The following C14orf39 variants were observed in gnomAD, a reference collection of about 807,000 sequenced individuals.
C14orf39 encodes the protein protein SIX6OS1.
A neutral mutation model predicts 85.6 loss-of-function variants in C14orf39; 66 were observed. The observed-to-expected ratio is 0.77, with a 90% CI of 0.63 to 0.95. C14orf39 has a LOEUF of 0.95. Among genes scored for constraint, C14orf39 ranks in the 40% least tolerant of loss-of-function variants. The pLI is 0.00. For missense variants in C14orf39, 735 were observed against 663.9 expected (o/e 1.11, Z -1.18); for synonymous variants, 242 against 214.0 (o/e 1.13, Z -1.14).
intron 13 of C14orf39, among the ~76,000 whole-genome samples, chr14:60,460,211 A>G (rs1164035733): frequency 6.6e-6 from 1 of 151,852 alleles, no homozygotes; most frequent in East Asian, 1.9e-4. Context: ...CTCACTATAC[A>G]TGCTCAACAG....
intron 4 of C14orf39, among the ~76,000 whole-genome samples, chr14:60,479,209 G>A (rs1892529423): frequency 6.6e-6 from 1 of 152,032 alleles, no homozygotes; most frequent in African/African-American, 2.4e-5. Flanking sequence ...ACATCATTGA[G>A]AGCTTATCCT....
intron 9 of C14orf39, 131 bp downstream of exon 9, chr14:60,468,314 A>G (rs1891895443): frequency 2.1e-6 from 1 of 467,072 alleles, no homozygotes; most frequent in Admixed American, 4.1e-5. Context: ...AGAAATTAAT[A>G]GAAAATAGCC....
chr14:60,438,030 GT>G (rs1314153113), intron 17 of C14orf39, among the ~76,000 whole-genome samples: 2 of 151,384 alleles, frequency 1.3e-5, no homozygotes, highest in Non-Finnish European at 3.0e-5. Context: ...TAAGTCTATA[GT>G]AATCAAATAT....
At chr14:60,465,099 A>G (rs991649240) in intron 11 of C14orf39, among the ~76,000 whole-genome samples, 2 of 152,022 alleles carry the variant, frequency 1.3e-5, no homozygotes, top group Non-Finnish European at 1.5e-5. Flanking sequence ...CCCTACCTCT[A>G]TCCTTAAATA....
At chr14:60,479,995 C>T (rs886226491) in intron 4 of C14orf39, among the ~76,000 whole-genome samples, 2 of 152,122 alleles carry the variant, frequency 1.3e-5, no homozygotes, top group African/African-American at 4.8e-5. Flanking sequence ...TCTGAATAGA[C>T]ATTTCTCAAA....
At chr14:60,488,861 T>C (rs1031488122), upstream of C14orf39, among the ~76,000 whole-genome samples, 3 of 152,114 alleles carry the variant, frequency 2.0e-5, no homozygotes, top group African/African-American at 7.2e-5. Context: ...TCTTCCATAC[T>C]TGGTTCCATT....
intron 16 of C14orf39, among the ~76,000 whole-genome samples, chr14:60,449,494 C>T (rs140639677): frequency 6.6e-6 from 1 of 152,184 alleles, no homozygotes; most frequent in Non-Finnish European, 1.5e-5. Flanking sequence ...TCCTTAAAAC[C>T]GTTATCATGC....
intron 2 of C14orf39, chr14:60,494,659 G>T (rs1232493641): frequency 6.6e-6 from 1 of 152,156 alleles, no homozygotes. Context: ...CTTGGTTATT[G>T]GCTGGGTAGA....
At chr14:60,473,716 T>A (rs144331379) in intron 5 of C14orf39, among the ~76,000 whole-genome samples, 2 of 152,324 alleles carry the variant, frequency 1.3e-5, no homozygotes, top group African/African-American at 4.8e-5. Context: ...TAGTTGTAGA[T>A]ATGCGGCATT....
chr14:60,511,382 C>A, intron 1 of C14orf39: 2 of 1,163,172 alleles, frequency 1.7e-6, no homozygotes, highest in Non-Finnish European at 2.5e-6. Context: ...GACCCGCGGG[C>A]TCGGGTTGCC....
rs60206941 is a variant in C14orf39, at chr14:60,482,879, G to GGTGTGTGTGTGTGTGTGT, written c.233+794_233+811dup. On this transcript the variant is annotated intron_variant, in intron 4 of 17. Coordinates refer to ENST00000321731, the MANE Select transcript of C14orf39 (RefSeq NM_174978.3). ...AAAAGGAAATACAGCTATATAGACA[G>GGTGTGTGTGTGTGTGTGT]GTGTGTGTGTGTGTGTGTGTGTGTG... 5.2e-3 allele frequency among the ~76,000 whole-genome samples: 761 copies of GGTGTGTGTGTGTGTGTGT among 146,724 alleles called. 5 individuals carry two copies. Among genetic ancestry groups the GGTGTGTGTGTGTGTGTGT allele is most frequent in the Non-Finnish European group, 9.2e-3 (613 of 66,516 alleles).
At chr14:60,447,885 C>T (rs1331593221) in intron 16 of C14orf39, among the ~76,000 whole-genome samples, 5 of 152,060 alleles carry the variant, frequency 3.3e-5, no homozygotes, top group Non-Finnish European at 5.9e-5. Flanking sequence ...TCAGAAATAA[C>T]ACCACACATG....
intron 1 of C14orf39, among the ~76,000 whole-genome samples, chr14:60,514,868 CG>C (rs1296453389): frequency 6.6e-6 from 1 of 152,158 alleles, no homozygotes; most frequent in African/African-American, 2.4e-5. Context: ...AGGCGGAGCC[CG>C]GGGGCGGCCG....
In C14orf39 at chr14:60,448,478, G is replaced by A. The variant is rs142080667; in HGVS notation, c.1504-6347C>T. Among the ~76,000 whole-genome samples the A allele has an allele frequency of 5.7e-3, 862 of 152,288 alleles. 17 individuals carry two copies. Among genetic ancestry groups the A allele is most frequent in the African/African-American group, 0.02 (811 of 41,566 alleles). ...GAGAAATGCAAATCAAAACCACAAT[G>A]AGATACTATCTCATGCTAGTTAGAA... On this transcript the variant is annotated intron_variant, in intron 16 of 17. Transcript: ENST00000321731.
rs566379332 is a variant in C14orf39 at position 60,514,861 on chromosome 14, C to T, written c.-144+534G>A. Among the ~76,000 whole-genome samples the T allele has an allele frequency of 6.8e-3, 1,035 of 152,300 alleles. 13 individuals carry two copies. The highest frequency in any genetic ancestry group is 0.023 in the African/African-American group (963 of 41,572). ...GACGATTTCCGCTCCTTTTGTGAGG[C>T]GGAGCCCGGGGGCGGCCGTGAATGG... On this transcript the variant is annotated intron_variant, in intron 1 of 5. Coordinates refer to the C14orf39 transcript ENST00000556799.
chr14:60,473,553 T>C (rs1396216249), intron 5 of C14orf39, among the ~76,000 whole-genome samples: 1 of 152,242 alleles, frequency 6.6e-6, no homozygotes, highest in Non-Finnish European at 1.5e-5. Flanking sequence ...ATGTAAGTCT[T>C]TAATCCATCT....
chr14:60,437,309 G>C (rs1409939698), intron 17 of C14orf39, among the ~76,000 whole-genome samples: 1 of 151,878 alleles, frequency 6.6e-6, no homozygotes, highest in African/African-American at 2.4e-5. Flanking sequence ...AAAGTAAAAA[G>C]TAGAATAAAA....
intron 16 of C14orf39, among the ~76,000 whole-genome samples, chr14:60,448,631 C>T (rs909549315): frequency 3.0e-4 from 46 of 152,236 alleles, no homozygotes; most frequent in Non-Finnish European, 7.4e-5. Flanking sequence ...GGCAATTCCT[C>T]AAGGATCTAG....
At chr14:60,465,265 C>A (rs1355365511) in intron 11 of C14orf39, among the ~76,000 whole-genome samples, 8 of 152,044 alleles carry the variant, frequency 5.3e-5, no homozygotes, top group African/African-American at 1.9e-4. Context: ...GTCACCACTA[C>A]CAGTGGAAGA....
Sources: gnomAD v4.1 joint callset for allele counts (sites outside exome capture counted in the v4.1 genomes callset) on GRCh38, gnomAD v4.1.1 for gene constraint, MANE v1.5 for transcripts, NCBI Gene and HGNC (gene_info 2026-07-23, HGNC 2026-07-21) for gene names.